MFAP3: variants seen among roughly 807,000 people sequenced by gnomAD.
The protein encoded by MFAP3 is microfibril associated protein 3.
MFAP3 carries 8 observed loss-of-function variants against 20.5 expected under a neutral mutation model. The observed-to-expected ratio is 0.39, with a 90% CI of 0.23 to 0.70. The LOEUF (loss-of-function observed/expected upper bound fraction) is 0.70. Among genes scored for constraint, MFAP3 ranks in the 30% least tolerant of loss-of-function variants. The pLI, the probability that MFAP3 is intolerant of heterozygous loss-of-function variation, is 0.44. For missense variants in MFAP3, 398 were observed against 444.6 expected (o/e 0.90, Z 0.94); for synonymous variants, 140 against 154.0 (o/e 0.91, Z 0.67).
At chr5:154,051,446 T>C (rs776937266) in intron 2 of MFAP3, among the ~76,000 whole-genome samples, 1 of 152,234 alleles carries the variant, frequency 6.6e-6, no homozygotes, top group Non-Finnish European at 1.5e-5. Context: ...GTATTAAATT[T>C]TATGAATCTC....
intron 1 of MFAP3, among the ~76,000 whole-genome samples, chr5:154,047,077 C>G (rs565408126): frequency 6.6e-6 from 1 of 152,300 alleles, no homozygotes; most frequent in African/African-American, 2.4e-5. Flanking sequence ...AGTGACCCCT[C>G]TCATTTTTCC....
At chr5:154,042,694 T>C (rs1772982652) in intron 1 of MFAP3, among the ~76,000 whole-genome samples, 1 of 152,136 alleles carries the variant, frequency 6.6e-6, no homozygotes, top group Admixed American at 6.5e-5. Context: ...CTTTGTCAAT[T>C]TGTGTGCCTG....
At chr5:154,045,152 A>T (rs1485612153) in intron 1 of MFAP3, among the ~76,000 whole-genome samples, 1 of 151,956 alleles carries the variant, frequency 6.6e-6, no homozygotes, top group African/African-American at 2.4e-5. Flanking sequence ...TCCTCAAATG[A>T]CCCTGACCCA....
intron 1 of MFAP3, among the ~76,000 whole-genome samples, chr5:154,039,617 A>C (rs1772861190): frequency 6.6e-6 from 1 of 152,216 alleles, no homozygotes; most frequent in East Asian, 1.9e-4. Context: ...AAGGTTTCTA[A>C]GCAGATGAAT....
chr5:154,044,405 G>A (rs1283777962), intron 1 of MFAP3, among the ~76,000 whole-genome samples: 1 of 152,096 alleles, frequency 6.6e-6, no homozygotes, highest in Non-Finnish European at 1.5e-5. Flanking sequence ...ACGTATCTTT[G>A]CCAGTGTTTT....
chr5:154,050,110 G>T, intron 2 of MFAP3, 93 bp downstream of exon 2: 1 of 1,370,228 alleles, frequency 7.3e-7, no homozygotes, highest in Non-Finnish European at 9.8e-7. Context: ...TCAAAGATAA[G>T]GTGCCAAGGT....
Position 154,055,084 on chromosome 5 carries a change from A to T in MFAP3, c.*1371A>T, listed in dbSNP as rs1008030175. The stretch of plus-strand genomic sequence containing the variant: ...TAATGGAATTGTAAATACTCTTCAG[A>T]ACAATTTCTTCAGCTACAGGAAGCG... On this transcript the variant is annotated 3_prime_UTR_variant, in exon 3 of 3. Coordinates refer to ENST00000522782, the MANE Select transcript of MFAP3 (RefSeq NM_005927.5). 1.2e-5 allele frequency: 2 copies of T among 167,092 alleles called. No homozygotes were observed. Among genetic ancestry groups the T allele is most frequent in the African/African-American group, 2.4e-5 (1 of 41,452 alleles). 10.4% of individuals were successfully genotyped at this position (167,092 alleles called of 1,614,324 possible).
rs1773337501 is a variant in MFAP3, at chr5:154,056,530, C to A, written c.*2817C>A. Among the ~76,000 whole-genome samples, 1 of 152,100 alleles carries A rather than the reference C, an allele frequency of 6.6e-6. No homozygotes were observed. The highest frequency in any genetic ancestry group is 2.4e-5 in the African/African-American group (1 of 41,420). On this transcript the variant is annotated 3_prime_UTR_variant, in exon 3 of 3. Coordinates refer to ENST00000522782, the MANE Select transcript of MFAP3 (RefSeq NM_005927.5). ...ATAGTGTAATTATCTTTTTGTCTCACTGGATTTTATAGTTAGTGGAAAATG... is the reference window on the plus strand; with the variant it reads ...ATAGTGTAATTATCTTTTTGTCTCAATGGATTTTATAGTTAGTGGAAAATG...
intron 2 of MFAP3, among the ~76,000 whole-genome samples, chr5:154,051,558 G>A (rs1407524446): frequency 1.3e-5 from 2 of 152,188 alleles, no homozygotes; most frequent in East Asian, 1.9e-4. Context: ...TGGTTGTAGT[G>A]CAATGGTTGA....
intron 1 of MFAP3, 134 bp from the exon 2 acceptor site, chr5:154,049,423 G>A (rs766777348): frequency 6.0e-5 from 17 of 283,336 alleles, no homozygotes; most frequent in Non-Finnish European, 1.0e-4. Context: ...AGATTTTTAG[G>A]TACTGTTCCA....
In MFAP3 at chr5:154,054,165, T is replaced by C. The variant is rs577917933; in HGVS notation, c.*452T>C. ...TAAATTACCAGAATCTTCACTCATC[T>C]CTAAGTAAACCTTTCCCGGGACTTT... On this transcript the variant is annotated 3_prime_UTR_variant, in exon 3 of 3. Transcript: ENST00000522782. 1 of 169,984 alleles carries C rather than the reference T, an allele frequency of 5.9e-6. No individual in the cohort carries two copies. The highest frequency in any genetic ancestry group is 2.0e-4 in the South Asian group (1 of 5,026). The allele number at this position is 169,984 out of a possible 1,614,324, so 10.5% of individuals were successfully genotyped here.
In MFAP3 at chr5:154,057,118, G is replaced by A. The variant is rs1180206964; in HGVS notation, c.*3405G>A. 6.6e-6 allele frequency among the ~76,000 whole-genome samples: 1 copy of A among 152,096 alleles called. No individual in the cohort carries two copies. Among genetic ancestry groups the A allele is most frequent in the Non-Finnish European group, 1.5e-5 (1 of 68,030 alleles). On this transcript the variant is annotated 3_prime_UTR_variant, in exon 3 of 3. Transcript: ENST00000522782. ...GAGCACTGCATGCTTGTTTTCTAGAGCCCAGCCAGTCATGGGTGCTAGCCT... is the reference window on the plus strand; with the variant it reads ...GAGCACTGCATGCTTGTTTTCTAGAACCCAGCCAGTCATGGGTGCTAGCCT...
At chr5:154,048,029 A>C (rs1416598259) in intron 1 of MFAP3, among the ~76,000 whole-genome samples, 2 of 152,214 alleles carry the variant, frequency 1.3e-5, no homozygotes, top group African/African-American at 2.4e-5. Flanking sequence ...TCATTCAATA[A>C]ATGTTATTTC....
In MFAP3 at chr5:154,053,528, G is replaced by C. The variant is rs750968770; in HGVS notation, c.904G>C (p.Asp302His). 1.8e-5 allele frequency: 29 copies of C among 1,613,840 alleles called. No homozygotes were observed. The highest frequency in any genetic ancestry group is 2.5e-5 in the Non-Finnish European group (29 of 1,179,934). Reference sequence around the variant, plus strand: ...TAATTCACCAGGAGGAGATTCAGATGATGGCTCTCTGAATGAACAAGGCCA... The same window carrying C: ...TAATTCACCAGGAGGAGATTCAGATCATGGCTCTCTGAATGAACAAGGCCA... Reference protein sequence around the residue: ...RSNSPGGDSDDGSLNEQGQEI... With the variant: ...RSNSPGGDSDHGSLNEQGQEI... Residue 302 changes from aspartate to histidine, a missense_variant, in exon 3 of 3, where the codon GAT (aspartate) becomes CAT (histidine). Asp to His is a moderately conservative substitution (Grantham distance 81, BLOSUM62 -1). Coordinates refer to ENST00000522782, the MANE Select transcript of MFAP3 (RefSeq NM_005927.5).
At chr5:154,047,938 C>T (rs1482528705) in intron 1 of MFAP3, among the ~76,000 whole-genome samples, 2 of 152,190 alleles carry the variant, frequency 1.3e-5, no homozygotes, top group East Asian at 3.9e-4. Context: ...TTATGTCCTC[C>T]AATTGCTGTA....
At chr5:154,040,345 G>A (rs1406700790) in intron 1 of MFAP3, among the ~76,000 whole-genome samples, 1 of 152,186 alleles carries the variant, frequency 6.6e-6, no homozygotes, top group East Asian at 1.9e-4. Flanking sequence ...AAATTATTGA[G>A]AATGGCATTG....
intron 1 of MFAP3, among the ~76,000 whole-genome samples, chr5:154,041,025 C>CT (rs1490814545): frequency 3.3e-5 from 5 of 152,128 alleles, no homozygotes; most frequent in African/African-American, 9.6e-5. Flanking sequence ...TTTTTAGACT[C>CT]TATCATTCAT....
Position 154,053,197 on chromosome 5 carries a change from A to G in MFAP3, c.573A>G (p.Glu191=). The G allele has an allele frequency of 1.2e-6, 2 of 1,613,930 alleles. No individual in the cohort carries two copies. The highest frequency in any genetic ancestry group is 1.3e-5 in the African/African-American group (1 of 75,018). ...EKAINEFFRT[E]GAEKLQKAFE... ...CTATCAATGAGTTCTTTAGAACTGA[A>G]GGGGCTGAGAAACTTCAGAAGGCCT... is the stretch of plus-strand genomic sequence containing the variant. The change falls in exon 3 of 3, where the codon GAA becomes GAG. Residue 191 remains glutamate, a synonymous_variant. Transcript: ENST00000522782.
Position 154,053,469 on chromosome 5 carries a change from G to T in MFAP3, c.845G>T (p.Gly282Val). 1.2e-6 allele frequency: 2 copies of T among 1,613,890 alleles called. No individual in the cohort carries two copies. Among genetic ancestry groups the T allele is most frequent in the Non-Finnish European group, 8.5e-7 (1 of 1,179,940 alleles). The stretch of plus-strand genomic sequence containing the variant: ...AGACCTGCCTTGAATGCTCAAGGTG[G>T]CATCTATGTCATTAACCCAGAGATG... ...KERPALNAQG[G>V]IYVINPEMGR... is the part of the protein sequence containing the mutation. The change falls in exon 3 of 3, where the codon GGC becomes GTC. Residue 282 changes from glycine to valine, a missense_variant. By Grantham distance (109) the Gly-to-Val change is moderately radical. Transcript: ENST00000522782.
Sources: gnomAD v4.1 joint callset for allele counts (sites outside exome capture counted in the v4.1 genomes callset) on GRCh38, gnomAD v4.1.1 for gene constraint, MANE v1.5 for transcripts, NCBI Gene and HGNC (gene_info 2026-07-23, HGNC 2026-07-21) for gene names.